CERT1: variants seen among roughly 807,000 people sequenced by gnomAD.
The protein encoded by CERT1 is ceramide transfer protein.
CERT1 carries 31 observed loss-of-function variants against 87.9 expected under a neutral mutation model. The ratio of observed to expected loss-of-function variants is 0.35; its 90% CI spans 0.27 to 0.48. The LOEUF (loss-of-function observed/expected upper bound fraction) is 0.48, where lower values mean the gene tolerates loss of function less well. Ranked by LOEUF, CERT1 falls within the 20% of genes least tolerant of loss-of-function variation. The pLI, the probability that CERT1 is intolerant of heterozygous loss-of-function variation, is 0.99. For missense variants in CERT1, 487 were observed against 758.0 expected (o/e 0.64, Z 4.20); for synonymous variants, 289 against 250.9 (o/e 1.15, Z -1.44).
intron 2 of CERT1, among the ~76,000 whole-genome samples, chr5:75,483,671 C>T (rs957039132): frequency 5.9e-5 from 9 of 151,950 alleles, no homozygotes; most frequent in African/African-American, 2.2e-4. Flanking sequence ...TCAGTAGAAA[C>T]ATTATAGAAC....
intron 3 of CERT1, among the ~76,000 whole-genome samples, chr5:75,427,555 C>T (rs545950195): frequency 2.0e-5 from 3 of 152,250 alleles, no homozygotes; most frequent in South Asian, 2.1e-4. Flanking sequence ...GCCGAGATTA[C>T]GCCACTGCAC....
At chr5:75,428,402 G>T (rs78979878) in intron 3 of CERT1, among the ~76,000 whole-genome samples, 18,721 of 152,096 alleles carry the variant, frequency 0.12, 1,258 homozygotes, top group South Asian at 0.22. Flanking sequence ...TAGTTGGCCG[G>T]GTGCGGTGGC....
At chr5:75,485,873 T>A (rs976851536) in intron 2 of CERT1, among the ~76,000 whole-genome samples, 3 of 152,040 alleles carry the variant, frequency 2.0e-5, no homozygotes, top group African/African-American at 7.2e-5. Context: ...ATAAAAAGTC[T>A]CAGCAAAGAA....
At chr5:75,373,226 A>G (rs536879525), downstream of CERT1, 1 of 152,350 alleles carries the variant, frequency 6.6e-6, no homozygotes, top group East Asian at 1.9e-4. Flanking sequence ...TATACCCGTT[A>G]CTGAATACCA....
At chr5:75,411,316 T>C (rs1762927325) in intron 7 of CERT1, among the ~76,000 whole-genome samples, 1 of 152,102 alleles carries the variant, frequency 6.6e-6, no homozygotes, top group Non-Finnish European at 1.5e-5. Context: ...TGTATGTATG[T>C]ATGTATGTAT....
At chr5:75,444,548 C>CTTTTTTTTTTTTT (rs952234196) in intron 3 of CERT1, among the ~76,000 whole-genome samples, 2 of 128,808 alleles carry the variant, frequency 1.6e-5, no homozygotes, top group South Asian at 2.5e-4. Flanking sequence ...CTTTTCTTTT[C>CTTTTTTTTTTTTT]TTTTTTTTTT....
At chr5:75,477,476 T>C (rs576285330) in intron 2 of CERT1, among the ~76,000 whole-genome samples, 2 of 152,108 alleles carry the variant, frequency 1.3e-5, no homozygotes, top group South Asian at 4.2e-4. Context: ...ACTATGATAC[T>C]ACCAAAATCT....
chr5:75,384,337 T>C (rs111608410), intron 14 of CERT1, among the ~76,000 whole-genome samples: 1 of 152,140 alleles, frequency 6.6e-6, no homozygotes, highest in African/African-American at 2.4e-5. Flanking sequence ...AGTTTGAGAC[T>C]AGCCTGGGAA....
At chr5:75,459,962 C>CAAAA (rs753591061) in intron 2 of CERT1, among the ~76,000 whole-genome samples, 5 of 25,544 alleles carry the variant, frequency 2.0e-4, no homozygotes, top group East Asian at 1.2e-3. Context: ...TCCTCCGTCT[C>CAAAA]AAAAAAAAAA....
chr5:75,466,057 A>G (rs1765441031), intron 2 of CERT1, among the ~76,000 whole-genome samples: 1 of 152,152 alleles, frequency 6.6e-6, no homozygotes, highest in South Asian at 2.1e-4. Flanking sequence ...TGATGATAAG[A>G]ATGCCACTTA....
rs191309802 is a variant in CERT1 at position 75,470,284 on chromosome 5, G to T, written c.232-11103C>A. Reference sequence around the variant, plus strand: ...TACACATGGGACGTTCCTCACAATAGATATGTTAGACCACAAAACAAATCT... The same window carrying T: ...TACACATGGGACGTTCCTCACAATATATATGTTAGACCACAAAACAAATCT... On this transcript the variant is annotated intron_variant, in intron 2 of 16. Transcript: ENST00000643780. 7.2e-5 allele frequency among the ~76,000 whole-genome samples: 11 copies of T among 152,234 alleles called. No homozygotes were observed. The East Asian group carries it at 2.1e-3, about 29-fold the overall frequency.
At chr5:75,497,630 A>T (rs1767137367) in intron 2 of CERT1, among the ~76,000 whole-genome samples, 1 of 152,046 alleles carries the variant, frequency 6.6e-6, no homozygotes, top group Non-Finnish European at 1.5e-5. Flanking sequence ...CTTGGCTCTC[A>T]TTCTTTTTCC....
chr5:75,455,073 G>A (rs894454518), intron 3 of CERT1, among the ~76,000 whole-genome samples: 19 of 152,126 alleles, frequency 1.2e-4, no homozygotes, highest in Admixed American at 1.2e-3. Context: ...TCTGAATCCC[G>A]GTGAAACCAT....
intron 3 of CERT1, among the ~76,000 whole-genome samples, chr5:75,458,274 TAA>T (rs1765083890): frequency 6.6e-6 from 1 of 152,092 alleles, no homozygotes; most frequent in African/African-American, 2.4e-5. Context: ...TATATTTATA[TAA>T]AAAAGACTTT....
downstream of CERT1, chr5:75,373,235 C>T (rs557117388): frequency 2.0e-5 from 3 of 152,204 alleles, no homozygotes; most frequent in South Asian, 2.1e-4. Context: ...TACTGAATAC[C>T]AGAAATATTG....
chr5:75,408,427 A>G (rs557578206), intron 8 of CERT1, among the ~76,000 whole-genome samples: 2 of 152,332 alleles, frequency 1.3e-5, no homozygotes, highest in Admixed American at 6.5e-5. Flanking sequence ...AACCAGTTAC[A>G]GAAATAACTC....
chr5:75,375,849 T>C (rs950316878), downstream of CERT1: 3 of 134,516 alleles, frequency 2.2e-5, no homozygotes, highest in African/African-American at 8.1e-5. Flanking sequence ...ATAATTATTG[T>C]AAAAAAAAAA....
chr5:75,444,890 C>T (rs1764475888), intron 3 of CERT1, among the ~76,000 whole-genome samples: 1 of 151,984 alleles, frequency 6.6e-6, no homozygotes, highest in African/African-American at 2.4e-5. Context: ...TTCGTATTTC[C>T]TTTTGTGTAT....
chr5:75,394,068 A>G (rs1762147389), intron 11 of CERT1, among the ~76,000 whole-genome samples: 1 of 152,180 alleles, frequency 6.6e-6, no homozygotes, highest in African/African-American at 2.4e-5. Flanking sequence ...TGTTAACCCA[A>G]AAGAGAGATG....
Sources: allele counts gnomAD v4.1 joint callset (sites outside exome capture counted in the v4.1 genomes callset), GRCh38; gene constraint gnomAD v4.1.1; transcripts MANE v1.5; gene names NCBI Gene and HGNC (gene_info 2026-07-23, HGNC 2026-07-21).